ABCB1: variants seen among roughly 807,000 people sequenced by gnomAD.
ABCB1 encodes the protein ATP-dependent translocase ABCB1.
In ABCB1, 69 loss-of-function variants were observed where a neutral mutation model predicts 142.0. The observed-to-expected ratio is 0.49, with a 90% CI of 0.40 to 0.59. The LOEUF (loss-of-function observed/expected upper bound fraction) is 0.59. Ranked by LOEUF, ABCB1 falls within the 20% of genes least tolerant of loss-of-function variation. The pLI is 0.00. For synonymous variants in ABCB1, 532 were observed against 539.2 expected (o/e 0.99, Z 0.18); for missense variants, 1,326 against 1,554.7 (o/e 0.85, Z 2.47).
intron 20 of ABCB1, among the ~76,000 whole-genome samples, chr7:87,533,215 C>T (rs1273137448): frequency 6.6e-6 from 1 of 152,040 alleles, no homozygotes; most frequent in Non-Finnish European, 1.5e-5. Flanking sequence ...ACGGCTGTGG[C>T]ACAGGGATGA....
At chr7:87,596,154 G>A (rs1008384310) in intron 2 of ABCB1, among the ~76,000 whole-genome samples, 10 of 151,896 alleles carry the variant, frequency 6.6e-5, no homozygotes, top group Non-Finnish European at 1.3e-4. Flanking sequence ...AGAGTTCCCT[G>A]TTTTTATTCT....
chr7:87,626,047 T>G (rs1820429667), intron 1 of ABCB1, among the ~76,000 whole-genome samples: 7 of 131,342 alleles, frequency 5.3e-5, no homozygotes, highest in South Asian at 2.4e-4. Context: ...GAGAGAGAGA[T>G]GGAGTCTCAT....
intron 1 of ABCB1, among the ~76,000 whole-genome samples, chr7:87,705,382 T>C (rs1829494585): frequency 6.6e-6 from 1 of 152,294 alleles, no homozygotes; most frequent in East Asian, 1.9e-4. Flanking sequence ...GCCGAGATCA[T>C]GCCATTGCAC....
At chr7:87,684,442 C>CA (rs1827238434) in intron 1 of ABCB1, among the ~76,000 whole-genome samples, 1 of 151,992 alleles carries the variant, frequency 6.6e-6, no homozygotes, top group South Asian at 2.1e-4. Flanking sequence ...TGTTAAGATG[C>CA]AGTAATCAGT....
chr7:87,689,354 T>A (rs1167185303), intron 1 of ABCB1, among the ~76,000 whole-genome samples: 1 of 152,116 alleles, frequency 6.6e-6, no homozygotes, highest in Non-Finnish European at 1.5e-5. Flanking sequence ...CATTTCCAGT[T>A]TGACCTTGTG....
chr7:87,627,580 T>G (rs1180560617), intron 1 of ABCB1: 5 of 152,262 alleles, frequency 3.3e-5, no homozygotes, highest in Non-Finnish European at 7.3e-5. Context: ...TCAGAGGACC[T>G]GACCCAAGCT....
chr7:87,640,950 T>C (rs1190160577), intron 1 of ABCB1, among the ~76,000 whole-genome samples: 1 of 152,206 alleles, frequency 6.6e-6, no homozygotes, highest in Non-Finnish European at 1.5e-5. Flanking sequence ...TCTCATCTCT[T>C]GAATGTATTA....
chr7:87,536,276 A>G (rs1816287010), intron 20 of ABCB1, among the ~76,000 whole-genome samples, 182 bp downstream of exon 20: 1 of 152,372 alleles, frequency 6.6e-6, no homozygotes, highest in Middle Eastern at 3.4e-3. Context: ...TATGCTCTAC[A>G]GTATATAATG....
At chr7:87,579,181 G>T (rs933355132) in intron 4 of ABCB1, among the ~76,000 whole-genome samples, 1 of 152,128 alleles carries the variant, frequency 6.6e-6, no homozygotes, top group Middle Eastern at 3.2e-3. Flanking sequence ...GGGATAATTT[G>T]ACTTCTTCCT....
Position 87,561,246 on chromosome 7 carries a change from A to G in ABCB1, c.827+17T>C. ...CAGAATTTAACATATCTATCCATTTAAAAAAGAAACTCAAACCTTTCAAGT... is the reference window on the plus strand; with the variant it reads ...CAGAATTTAACATATCTATCCATTTGAAAAAGAAACTCAAACCTTTCAAGT... On this transcript the variant is annotated intron_variant, in intron 8 of 27. Transcript: ENST00000622132. 2 of 1,613,294 alleles carry G rather than the reference A, an allele frequency of 1.2e-6. No individual in the cohort carries two copies. Among genetic ancestry groups the G allele is most frequent in the Non-Finnish European group, 1.7e-6 (2 of 1,179,594 alleles).
At chr7:87,646,945 G>A (rs1029749957) in intron 1 of ABCB1, among the ~76,000 whole-genome samples, 4 of 152,060 alleles carry the variant, frequency 2.6e-5, no homozygotes, top group Admixed American at 6.6e-5. Context: ...GTTATTTCCC[G>A]TTATTGCATG....
At chr7:87,527,009 G>A (rs1815811588) in intron 21 of ABCB1, among the ~76,000 whole-genome samples, 1 of 151,680 alleles carries the variant, frequency 6.6e-6, no homozygotes, top group African/African-American at 2.4e-5. Context: ...CTAAAATAGG[G>A]CACTTTCGAC....
chr7:87,566,332 G>T, intron 6 of ABCB1, 91 bp from the exon 7 acceptor site: 2 of 1,301,858 alleles, frequency 1.5e-6, no homozygotes, highest in East Asian at 2.3e-5. Flanking sequence ...GGTAGTTTAT[G>T]GCTAGAGTAT....
rs1820514635 is a variant in ABCB1 at position 87,626,290 on chromosome 7, ATATGTGTCATATATATGTGTCG to A, written c.-330-25234_-330-25213del. On this transcript the variant is annotated intron_variant, in intron 1 of 28. Transcript: ENST00000265724. Reference sequence around the variant, plus strand: ...TATATGTGTCATATATATGTGTCATATATGTGTCATATATATGTGTCGTATATGTGTCATATATATGTGTCGT... The same window carrying A: ...TATATGTGTCATATATATGTGTCATATATATGTGTCATATATATGTGTCGT... Among the ~76,000 whole-genome samples, 4 of 54,202 alleles carry A rather than the reference ATATGTGTCATATATATGTGTCG, an allele frequency of 7.4e-5. 1 individual carries two copies. Among genetic ancestry groups the A allele is most frequent in the Admixed American group, 4.7e-4 (2 of 4,216 alleles). 35.6% of individuals were successfully genotyped at this position (54,202 alleles called of 152,430 possible). A position where few individuals can be genotyped will look rare whatever the true frequency, so the allele number is the denominator to read the frequency against.
chr7:87,550,885 C>A (rs778715012), intron 9 of ABCB1, 47 bp from the exon 10 acceptor site: 9 of 1,177,482 alleles, frequency 7.6e-6, no homozygotes, highest in Non-Finnish European at 1.1e-5. Context: ...ATAGTGACAG[C>A]AATTTTTTTT....
chr7:87,559,422 C>A (rs2129766905), intron 8 of ABCB1, among the ~76,000 whole-genome samples: 1 of 151,864 alleles, frequency 6.6e-6, no homozygotes, highest in Non-Finnish European at 1.5e-5. Flanking sequence ...TACAAGTTTT[C>A]CCTATTCATT....
intron 21 of ABCB1, 119 bp from the exon 22 acceptor site, chr7:87,520,995 G>A (rs1260574134): frequency 1.4e-5 from 11 of 779,072 alleles, no homozygotes; most frequent in African/African-American, 1.0e-4. Flanking sequence ...TATTATGTAT[G>A]AGCATTTTCT....
intron 8 of ABCB1, among the ~76,000 whole-genome samples, chr7:87,555,582 T>G (rs1240052826): frequency 2.0e-5 from 3 of 152,172 alleles, no homozygotes; most frequent in African/African-American, 7.2e-5. Flanking sequence ...TCACTAAAGA[T>G]GAAATTTAAA....
intron 1 of ABCB1, among the ~76,000 whole-genome samples, chr7:87,640,836 G>A (rs1249213292): frequency 6.6e-6 from 1 of 152,074 alleles, no homozygotes; most frequent in Non-Finnish European, 1.5e-5. Flanking sequence ...CATTGAATGA[G>A]TTTTTAATTT....
Sources: allele counts gnomAD v4.1 joint callset (sites outside exome capture counted in the v4.1 genomes callset), GRCh38; gene constraint gnomAD v4.1.1; transcripts MANE v1.5; gene names NCBI Gene and HGNC (gene_info 2026-07-23, HGNC 2026-07-21).